Variants in PYY observed in about 807,000 individuals in gnomAD.
PYY encodes the protein peptide YY.
Under a neutral mutation model 10.3 loss-of-function variants are expected in PYY, and 12 were observed. The ratio of observed to expected loss-of-function variants is 1.17; its 90% CI spans 0.75 to 1.89. The LOEUF is 1.89. Among genes scored for constraint, PYY ranks in the 40% most tolerant of loss-of-function variants. The probability of loss-of-function intolerance (pLI) is 0.00; values close to 1 mark genes in which losing one functional copy is unlikely to be tolerated. For missense variants in PYY, 141 were observed against 134.0 expected (o/e 1.05, Z -0.26); for synonymous variants, 66 against 62.0 (o/e 1.06, Z -0.30).
Position 43,987,794 on chromosome 17 carries a change from G to A in PYY, c.-463+16597C>T, listed in dbSNP as rs908754116. Among the ~76,000 whole-genome samples the A allele has an allele frequency of 2.0e-5, 3 of 152,202 alleles. No individual in the cohort carries two copies. The highest frequency in any genetic ancestry group is 7.2e-5 in the African/African-American group (3 of 41,446). On this transcript the variant is annotated intron_variant, in intron 1 of 6. Transcript: ENST00000360085. This position sits in a 1 kb window ranked among gnomAD's most constrained non-coding sequence, Gnocchi z 4.0. ...CCTCTAAGAGCTTACAGTCCAGCAG[G>A]GAACACAGCCCAAAACAAACAGATG... is the stretch of plus-strand genomic sequence containing the variant.
intron 2 of PYY, among the ~76,000 whole-genome samples, chr17:43,965,816 AAGAG>A (rs1302185567): frequency 0.017 from 2,453 of 142,406 alleles, 140 homozygotes; most frequent in Non-Finnish European, 0.03. Flanking sequence ...AAAAAAAAAA[AAGAG>A]AGAGAAACAA....
At chr17:43,986,404 C>T (rs1021895395) in intron 1 of PYY, among the ~76,000 whole-genome samples, 4 of 151,650 alleles carry the variant, frequency 2.6e-5, no homozygotes, top group African/African-American at 4.9e-5. Context: ...CATGGTTCAC[C>T]CCAAGACTGG....
chr17:43,959,793 C>T (rs1350772087), intron 2 of PYY, among the ~76,000 whole-genome samples: 1 of 152,270 alleles, frequency 6.6e-6, no homozygotes, highest in Non-Finnish European at 1.5e-5. Context: ...CTGCGCACAT[C>T]CCCTCCACAT....
At chr17:43,954,228 G>A (rs2048657521), upstream of PYY, among the ~76,000 whole-genome samples, 1 of 152,158 alleles carries the variant, frequency 6.6e-6, no homozygotes, top group Non-Finnish European at 1.5e-5. Flanking sequence ...GAAGTGAAGC[G>A]GTTGGATCTA....
At chr17:43,989,273 C>A (rs1408738511) in intron 1 of PYY, among the ~76,000 whole-genome samples, 1 of 151,968 alleles carries the variant, frequency 6.6e-6, no homozygotes, top group African/African-American at 2.4e-5. Context: ...ACTCGGGAGG[C>A]TGAGGCAGGA....
intron 1 of PYY, among the ~76,000 whole-genome samples, chr17:43,979,766 T>A (rs1158842313): frequency 3.7e-4 from 42 of 114,796 alleles, no homozygotes; most frequent in Non-Finnish European, 1.3e-4. Flanking sequence ...GGTGTGGGGG[T>A]AGCTAGGTGA....
rs141877310 is a variant in PYY at position 43,976,524 on chromosome 17, C to T, written c.-462-9992G>A. On this transcript the variant is annotated intron_variant, in intron 1 of 6. Transcript: ENST00000360085. The stretch of plus-strand genomic sequence containing the variant: ...TGGTGGCTCACGTCTGTAATCCCAG[C>T]ACTTTGGGAGGCTGAGGCGGGTGGA... Among the ~76,000 whole-genome samples, 128 of 152,058 alleles carry T rather than the reference C, an allele frequency of 8.4e-4. 2 individuals carry two copies. In the East Asian group the frequency reaches 0.023, roughly 27 times the overall value.
At chr17:43,953,792 C>G in intron 1 of PYY, 58 bp downstream of exon 1, 1 of 256,306 alleles carries the variant, frequency 3.9e-6, no homozygotes, top group East Asian at 7.0e-5. Flanking sequence ...CCATCCCAGC[C>G]TCAGTTTCCC....
chr17:43,994,635 G>A (rs1179281119), intron 1 of PYY, among the ~76,000 whole-genome samples: 1 of 152,122 alleles, frequency 6.6e-6, no homozygotes, highest in Admixed American at 6.5e-5. Context: ...CCCGCCCGAG[G>A]ATGCCTGAGC....
At chr17:43,967,740 T>A (rs2048764145) in intron 1 of PYY, among the ~76,000 whole-genome samples, 1 of 151,798 alleles carries the variant, frequency 6.6e-6, no homozygotes, top group South Asian at 2.1e-4. Flanking sequence ...CTCTGAAGAG[T>A]GTGAAAGTAA....
intron 1 of PYY, among the ~76,000 whole-genome samples, chr17:43,974,940 C>G (rs1248134075): frequency 6.6e-6 from 1 of 152,054 alleles, no homozygotes; most frequent in Non-Finnish European, 1.5e-5. Context: ...CAGAGTAGGA[C>G]AAAGGACAGA....
chr17:43,956,289 C>T (rs2048671461), upstream of PYY, among the ~76,000 whole-genome samples: 1 of 152,104 alleles, frequency 6.6e-6, no homozygotes, highest in Admixed American at 6.6e-5. Context: ...ATACCCCCAC[C>T]CTCCAATCTC....
intron 2 of PYY, among the ~76,000 whole-genome samples, chr17:43,959,934 A>G (rs2048700086): frequency 6.6e-6 from 1 of 152,216 alleles, no homozygotes; most frequent in Non-Finnish European, 1.5e-5. Flanking sequence ...CCTAGGTCAG[A>G]CACAGTCAGC....
chr17:43,988,401 A>G (rs2048928869), intron 1 of PYY, among the ~76,000 whole-genome samples: 1 of 152,210 alleles, frequency 6.6e-6, no homozygotes, highest in Non-Finnish European at 1.5e-5. Context: ...TGCATGTCAT[A>G]AAAGCGTAAC....
chr17:43,985,629 G>A (rs1404694049), intron 1 of PYY, among the ~76,000 whole-genome samples: 2 of 152,164 alleles, frequency 1.3e-5, no homozygotes, highest in African/African-American at 4.8e-5. Context: ...TCAATCCAAG[G>A]CTTCCATGTT....
At chr17:43,965,789 C>CAAAAA (rs67609128) in intron 2 of PYY, among the ~76,000 whole-genome samples, 575 of 31,916 alleles carry the variant, frequency 0.018, 62 homozygotes, top group East Asian at 0.13. Context: ...ATCCATCTCA[C>CAAAAA]AAAAAAAAAA....
chr17:43,976,821 A>G (rs1240964039), intron 1 of PYY, among the ~76,000 whole-genome samples: 1 of 152,064 alleles, frequency 6.6e-6, no homozygotes. Flanking sequence ...GACTATCTCT[A>G]TATGTTTCTC....
intron 1 of PYY, among the ~76,000 whole-genome samples, chr17:43,976,282 C>CATATAT (rs1491439269): frequency 3.0e-5 from 3 of 99,356 alleles, no homozygotes; most frequent in African/African-American, 5.2e-5. Flanking sequence ...CGTATATATA[C>CATATAT]GCATATGTAT....
chr17:43,989,147 G>A (rs1330594359), intron 1 of PYY, among the ~76,000 whole-genome samples: 3 of 151,912 alleles, frequency 2.0e-5, no homozygotes, highest in Non-Finnish European at 4.4e-5. Flanking sequence ...GGCCAAGGCG[G>A]GCGGATCACG....
Sources: allele counts gnomAD v4.1 joint callset (sites outside exome capture counted in the v4.1 genomes callset), GRCh38; gene constraint gnomAD v4.1.1; non-coding constraint Gnocchi (gnomAD v3.1); transcripts MANE v1.5; gene names NCBI Gene and HGNC (gene_info 2026-07-23, HGNC 2026-07-21).